ZDHHC16: variants seen among roughly 807,000 people sequenced by gnomAD.
The protein encoded by ZDHHC16 is zDHHC palmitoyltransferase 16.
In ZDHHC16, 33 loss-of-function variants were observed where a neutral mutation model predicts 54.4. The observed-to-expected ratio is 0.61, with a 90% CI of 0.46 to 0.81. The LOEUF is 0.81. Ranked by LOEUF, ZDHHC16 falls within the 30% of genes least tolerant of loss-of-function variation. The pLI is 0.00. For synonymous variants in ZDHHC16, 185 were observed against 182.1 expected, an observed-to-expected ratio of 1.02 and a Z score of -0.13; for missense variants, 420 against 485.9, an observed-to-expected ratio of 0.86 and a Z score of 1.28.
intron 1 of ZDHHC16, among the ~76,000 whole-genome samples, chr10:97,449,297 A>G (rs560862493): frequency 1.3e-5 from 2 of 151,872 alleles, no homozygotes; most frequent in African/African-American, 2.4e-5. Context: ...CAAGGAGTGC[A>G]TTGGATTTGC....
chr10:97,446,371 G>T lies in ZDHHC16; in HGVS notation c.-186+18G>T. On this transcript the variant is annotated intron_variant, in intron 1 of 11. Transcript: ENST00000393760. ...GGCGGCAGGTAAGGGCGAAGCCTCG[G>T]CCCTTGCTCCCCATCCTAGTCCCTT... 1 of 353,740 alleles carries T rather than the reference G, an allele frequency of 2.8e-6. No individual in the cohort carries two copies. The highest frequency in any genetic ancestry group is 7.1e-5 in the East Asian group (1 of 13,998). 21.9% of individuals were successfully genotyped at this position (353,740 alleles called of 1,614,324 possible).
chr10:97,456,296 T>A (rs1025134602), intron 11 of ZDHHC16: 1 of 493,424 alleles, frequency 2.0e-6, no homozygotes, highest in Non-Finnish European at 3.6e-6. Context: ...AAGGGGCCTC[T>A]GGGTGTAGGA....
intron 5 of ZDHHC16, 22 bp downstream of exon 5, chr10:97,452,525 T>C (rs1412744321): frequency 6.2e-7 from 1 of 1,610,214 alleles, no homozygotes; most frequent in Non-Finnish European, 8.5e-7. Flanking sequence ...CTTTGCTCTC[T>C]GGGAATCCCA....
chr10:97,447,784 G>A (rs1373412500), intron 1 of ZDHHC16, among the ~76,000 whole-genome samples: 1 of 152,112 alleles, frequency 6.6e-6, no homozygotes, highest in Non-Finnish European at 1.5e-5. Flanking sequence ...TTAGCCAGGC[G>A]TGGTGGCACA....
chr10:97,455,646 C>T lies in ZDHHC16; in HGVS notation c.825-14C>T, dbSNP rs1402312729. Reference sequence around the variant, plus strand: ...CTCTAAACTACCCACCAGTCTTCGCCCCTCTTTTCTTAGTTCTGTGGCACT... The same window carrying T: ...CTCTAAACTACCCACCAGTCTTCGCTCCTCTTTTCTTAGTTCTGTGGCACT... On this transcript the variant is annotated splice_polypyrimidine_tract_variant and intron_variant, in intron 9 of 11. Coordinates refer to ENST00000393760, the MANE Select transcript of ZDHHC16 (RefSeq NM_198046.3). 6.2e-7 allele frequency: 1 copy of T among 1,614,192 alleles called. No individual in the cohort carries two copies. Among genetic ancestry groups the T allele is most frequent in the South Asian group, 1.1e-5 (1 of 91,084 alleles).
rs747452702 is a variant in ZDHHC16 at position 97,452,283 on chromosome 10, A to C, written c.437A>C (p.Gln146Pro). ...AITTPPGYPPQGRNDIATVSI... is the reference protein window; with the variant it reads ...AITTPPGYPPPGRNDIATVSI... ...ACCACTCCGCCTGGGTACCCACCCC[A>C]GGTGGGTCCTCACAGGAGCACTGGG... The change falls in exon 4 of 12, where the codon CAG (glutamine) becomes CCG (proline). Residue 146 changes from glutamine (Q) to proline (P), a missense_variant and splice_region_variant. Coordinates refer to ENST00000393760, the MANE Select transcript of ZDHHC16 (RefSeq NM_198046.3). The C allele has an allele frequency of 6.2e-7, 1 of 1,614,048 alleles. No homozygotes were observed. Among genetic ancestry groups the C allele is most frequent in the Non-Finnish European group, 8.5e-7 (1 of 1,179,956 alleles).
rs961551432 is a variant in ZDHHC16 at position 97,457,013 on chromosome 10, TACCATGC to T, written c.*124_*130del. 2 of 688,176 alleles carry T rather than the reference TACCATGC, an allele frequency of 2.9e-6. No homozygotes were observed. The highest frequency in any genetic ancestry group is 4.7e-6 in the Non-Finnish European group (2 of 429,592). 42.6% of individuals were successfully genotyped at this position (688,176 alleles called of 1,614,324 possible). A position where few individuals can be genotyped will look rare whatever the true frequency, so the allele number is the denominator to read the frequency against. On this transcript the variant is annotated 3_prime_UTR_variant, in exon 12 of 12. Coordinates refer to ENST00000393760, the MANE Select transcript of ZDHHC16 (RefSeq NM_198046.3). ...AAGAGCCAGTGGGCCTGCCTTAGGG[TACCATGC>T]AGGACAATTCAAGGACCAGCCTTTT...
chr10:97,451,663 T>C lies in ZDHHC16; in HGVS notation c.-5-8T>C, dbSNP rs1239704178. 1.2e-6 allele frequency: 2 copies of C among 1,603,510 alleles called. No individual in the cohort carries two copies. The highest frequency in any genetic ancestry group is 1.7e-5 in the Admixed American group (1 of 59,426). On this transcript the variant is annotated splice_polypyrimidine_tract_variant and splice_region_variant and intron_variant, in intron 2 of 11. Coordinates refer to ENST00000393760, the MANE Select transcript of ZDHHC16 (RefSeq NM_198046.3). ...AGACTAGATCCTCACAATGGTGTGC[T>C]CTCGTAGGAACCATGCGAGGCCAGC...
chr10:97,451,637 C>CA, intron 2 of ZDHHC16, 34 bp from the exon 3 acceptor site: 1 of 1,581,216 alleles, frequency 6.3e-7, no homozygotes, highest in Non-Finnish European at 8.6e-7. Flanking sequence ...AGGGAGGGCT[C>CA]AGACTAGATC....
Position 97,451,651 on chromosome 10 carries a change from A to G in ZDHHC16, c.-5-20A>G, listed in dbSNP as rs1284828206. 6.3e-7 allele frequency: 1 copy of G among 1,596,714 alleles called. No homozygotes were observed. Among genetic ancestry groups the G allele is most frequent in the Non-Finnish European group, 8.5e-7 (1 of 1,172,618 alleles). On this transcript the variant is annotated intron_variant, in intron 2 of 11. Coordinates refer to ENST00000393760, the MANE Select transcript of ZDHHC16 (RefSeq NM_198046.3). ...GAGGGAGGGCTCAGACTAGATCCTC[A>G]CAATGGTGTGCTCTCGTAGGAACCA...
In ZDHHC16 at chr10:97,455,785, T is replaced by C. The variant is rs752223768; in HGVS notation, c.948+2T>C. ...CGTCGGCTACAGGCCAAGGGCAGAG[T>C]GAGTAGGGTTGAAGGCTCGGGGTGG... is the stretch of plus-strand genomic sequence containing the variant. On this transcript the variant is annotated splice_donor_variant, in intron 10 of 11. Transcript: ENST00000393760. LOFTEE classifies it high-confidence loss of function. 1 of 1,612,810 alleles carries C rather than the reference T, an allele frequency of 6.2e-7. No homozygotes were observed. Among genetic ancestry groups the C allele is most frequent in the Non-Finnish European group, 8.5e-7 (1 of 1,179,102 alleles).
chr10:97,446,189 G>T lies in ZDHHC16; in HGVS notation c.-350G>T. On this transcript the variant is annotated 5_prime_UTR_variant, in exon 1 of 12. Transcript: ENST00000393760. Reference sequence around the variant, plus strand: ...CGCCTGCGCGTGTGGTTGAGGATGGGCTGGCGGCGGGTCCGGGTCCGCTGC... The same window carrying T: ...CGCCTGCGCGTGTGGTTGAGGATGGTCTGGCGGCGGGTCCGGGTCCGCTGC... The T allele has an allele frequency of 1.4e-6, 1 of 736,090 alleles. No homozygotes were observed. Among genetic ancestry groups the T allele is most frequent in the East Asian group, 2.7e-5 (1 of 36,682 alleles). 45.6% of individuals were successfully genotyped at this position (736,090 alleles called of 1,614,324 possible).
intron 5 of ZDHHC16, 193 bp downstream of exon 5, chr10:97,452,696 AGGTTT>A (rs1274954646): frequency 1.1e-6 from 1 of 917,366 alleles, no homozygotes; most frequent in Non-Finnish European, 1.7e-6. Context: ...GTGAAAACCG[AGGTTT>A]GGAGAGATGA....
intron 8 of ZDHHC16, 40 bp from the exon 9 acceptor site, chr10:97,454,674 A>T: frequency 6.3e-7 from 1 of 1,586,830 alleles, no homozygotes; most frequent in African/African-American, 1.3e-5. Context: ...CTGGAGACCC[A>T]CAGAGCAAAT....
intron 1 of ZDHHC16, among the ~76,000 whole-genome samples, chr10:97,449,228 T>G (rs1369146645): frequency 1.3e-5 from 2 of 151,722 alleles, no homozygotes; most frequent in African/African-American, 2.4e-5. Context: ...ATAGAAGTTT[T>G]TTTTTTTTTT....
intron 8 of ZDHHC16, 151 bp downstream of exon 8, chr10:97,453,997 G>C: frequency 2.8e-6 from 3 of 1,077,942 alleles, no homozygotes; most frequent in South Asian, 1.6e-5. Context: ...GGCTGGCTGT[G>C]GTGGGTAGAC....
rs187194968 is a variant in ZDHHC16 at position 97,447,892 on chromosome 10, C to A, written c.-186+1539C>A. On this transcript the variant is annotated intron_variant, in intron 1 of 11. Coordinates refer to ENST00000393760, the MANE Select transcript of ZDHHC16 (RefSeq NM_198046.3). ...GAGCCCAGATTGTGCCATTGCACTC[C>A]AGCCTGGGCAACAAGAGTGAAACTC... Among the ~76,000 whole-genome samples the A allele has an allele frequency of 2.7e-3, 400 of 150,680 alleles. 1 individual carries two copies. The highest frequency in any genetic ancestry group is 9.4e-3 in the African/African-American group (383 of 40,924).
At position 97,453,819 on chromosome 10, in the gene ZDHHC16, GAACA is replaced by G; in HGVS notation, c.715_718del (p.Lys239TyrfsTer23). On this transcript the variant is annotated frameshift_variant, in exon 8 of 12. Transcript: ENST00000393760. LOFTEE classifies it high-confidence loss of function. ...CTTAGAAAATGAAACAGCTCGACAA[GAACA>G]AACTACAGGCGGTTGCCAACCAGGT... 3 of 1,614,246 alleles carry G rather than the reference GAACA, an allele frequency of 1.9e-6. No homozygotes were observed. The highest frequency in any genetic ancestry group is 1.1e-5 in the South Asian group (1 of 91,086).
chr10:97,452,717 C>G, intron 5 of ZDHHC16, 178 bp from the exon 6 acceptor site: 1 of 954,870 alleles, frequency 1.0e-6, no homozygotes, highest in Middle Eastern at 2.6e-4. Flanking sequence ...GATGAGTTAC[C>G]TTGTCCAATA....
Sources: allele counts gnomAD v4.1 joint callset (sites outside exome capture counted in the v4.1 genomes callset), GRCh38; gene constraint gnomAD v4.1.1; transcripts MANE v1.5; gene names NCBI Gene and HGNC (gene_info 2026-07-23, HGNC 2026-07-21).